Variants in ANKRD26 observed in about 807,000 individuals in gnomAD.
ANKRD26 encodes ankyrin repeat domain-containing protein 26.
ANKRD26 carries 141 observed loss-of-function variants against 208.7 expected under a neutral mutation model. The observed-to-expected ratio is 0.68, with a 90% CI of 0.59 to 0.78. ANKRD26 has a LOEUF of 0.78. Ranked by LOEUF, ANKRD26 falls within the 30% of genes least tolerant of loss-of-function variation. The probability of loss-of-function intolerance (pLI) is 0.00; values close to 1 mark genes in which losing one functional copy is unlikely to be tolerated. For missense variants in ANKRD26, 1,889 were observed against 1,938.7 expected (o/e 0.97, Z 0.48); for synonymous variants, 636 against 660.4 (o/e 0.96, Z 0.57).
In ANKRD26 at chr10:27,037,338, A is replaced by T. The variant is rs1007456677; in HGVS notation, c.2560-15T>A. 3.1e-6 allele frequency: 5 copies of T among 1,613,588 alleles called. No individual in the cohort carries two copies. Among genetic ancestry groups the T allele is most frequent in the Admixed American group, 1.7e-5 (1 of 60,002 alleles). ...TCTTGAACGACCTAGAGATACATTA[A>T]GTTTTAGGTCTATTAGCATTTTGTA... On this transcript the variant is annotated splice_polypyrimidine_tract_variant and intron_variant, in intron 22 of 33. Transcript: ENST00000376087.
the ANKRD26 span, among the ~76,000 whole-genome samples, chr10:26,952,661 C>T: frequency 1.4e-4 from 21 of 152,240 alleles, no homozygotes; most frequent in East Asian, 4.1e-3. Flanking sequence ...AACAAAGATG[C>T]TGTAGTATTG....
At chr10:27,018,055 CTA>C (rs1309184499) in intron 29 of ANKRD26, among the ~76,000 whole-genome samples, 1 of 151,728 alleles carries the variant, frequency 6.6e-6, no homozygotes, top group Non-Finnish European at 1.5e-5. Flanking sequence ...TTGTATTTTT[CTA>C]TGATTGTTTC....
chr10:27,011,896 T>C (rs2053126199), intron 32 of ANKRD26, among the ~76,000 whole-genome samples: 1 of 152,232 alleles, frequency 6.6e-6, no homozygotes, highest in South Asian at 2.1e-4. Context: ...ATTTGCTTGC[T>C]TTAACTATTT....
intron 5 of ANKRD26, among the ~76,000 whole-genome samples, chr10:26,979,954 A>G (rs1266896889): frequency 6.6e-6 from 1 of 151,918 alleles, no homozygotes; most frequent in African/African-American, 2.4e-5. Context: ...TTATCATAGC[A>G]CAGGATAATT....
intron 29 of ANKRD26, among the ~76,000 whole-genome samples, chr10:27,020,241 C>T (rs956468459): frequency 1.3e-5 from 2 of 152,172 alleles, no homozygotes; most frequent in Non-Finnish European, 2.9e-5. Context: ...AATGTATAAG[C>T]GAATTAGCAT....
At chr10:26,996,992 G>A (rs139371891) in intron 4 of ANKRD26, among the ~76,000 whole-genome samples, 226 of 151,750 alleles carry the variant, frequency 1.5e-3, no homozygotes, top group African/African-American at 5.1e-3. Flanking sequence ...CTAATTTCTT[G>A]TTTTGTTTGT....
At chr10:27,051,654 T>G (rs762920581) in intron 16 of ANKRD26, 83 of 985,288 alleles carry the variant, frequency 8.4e-5, no homozygotes, top group Non-Finnish European at 9.4e-5. Flanking sequence ...GCAAGCATAT[T>G]CTGGGGACCC....
the ANKRD26 span, among the ~76,000 whole-genome samples, chr10:26,967,939 T>C: frequency 6.6e-6 from 1 of 152,214 alleles, no homozygotes; most frequent in Admixed American, 6.5e-5. Context: ...TTGATGTTTC[T>C]GCCTCCAGCC....
At chr10:27,033,073 A>T in intron 25 of ANKRD26, 152 bp downstream of exon 25, 7 of 384,202 alleles carry the variant, frequency 1.8e-5, no homozygotes, top group Non-Finnish European at 2.8e-5. Flanking sequence ...ATAGAACGAG[A>T]CTCCATCTCA....
chr10:26,954,044 C>A, the ANKRD26 span, among the ~76,000 whole-genome samples: 1 of 152,286 alleles, frequency 6.6e-6, no homozygotes, highest in East Asian at 1.9e-4. Flanking sequence ...TTGGTTCTTT[C>A]ACTTATATTG....
intron 4 of ANKRD26, among the ~76,000 whole-genome samples, chr10:26,982,328 G>T (rs1004047540): frequency 6.6e-6 from 1 of 152,094 alleles, no homozygotes; most frequent in African/African-American, 2.4e-5. Context: ...AATAGGAGGC[G>T]GGTTGGTGTG....
chr10:26,948,440 T>TA, the ANKRD26 span, among the ~76,000 whole-genome samples: 1 of 152,210 alleles, frequency 6.6e-6, no homozygotes, highest in African/African-American at 2.4e-5. Flanking sequence ...GAAAAATAAT[T>TA]AAAGAATTAT....
At chr10:27,012,304 T>C (rs575839831) in intron 32 of ANKRD26, among the ~76,000 whole-genome samples, 1 of 152,260 alleles carries the variant, frequency 6.6e-6, no homozygotes, top group African/African-American at 2.4e-5. Context: ...TAAATTCAGC[T>C]TTTAAAGAAA....
chr10:27,087,222 C>T (rs1190642316), intron 4 of ANKRD26, among the ~76,000 whole-genome samples: 23 of 152,160 alleles, frequency 1.5e-4, no homozygotes, highest in Admixed American at 1.5e-3. Context: ...GCTCTGTAAC[C>T]AACAGCTATT....
intron 6 of ANKRD26, 140 bp from the exon 7 acceptor site, chr10:27,079,301 G>T: frequency 1.4e-6 from 1 of 696,770 alleles, no homozygotes; most frequent in South Asian, 1.7e-5. Flanking sequence ...CATATTAAAT[G>T]ATGTTTCTTG....
Position 27,082,884 on chromosome 10 carries a change from A to G in ANKRD26, c.710-51T>C, listed in dbSNP as rs745313864. The G allele has an allele frequency of 1.4e-5, 22 of 1,545,444 alleles. No homozygotes were observed. In the South Asian group the frequency reaches 2.5e-4, roughly 18 times the overall value. ...CTTTAAATCAACAATAGAAAAATATATAAAATTTAAAGCATAAGACTGATA... is the reference window on the plus strand; with the variant it reads ...CTTTAAATCAACAATAGAAAAATATGTAAAATTTAAAGCATAAGACTGATA... On this transcript the variant is annotated intron_variant, in intron 5 of 33. Coordinates refer to ENST00000376087, the MANE Select transcript of ANKRD26 (RefSeq NM_014915.3).
intron 29 of ANKRD26, among the ~76,000 whole-genome samples, chr10:27,021,427 T>C (rs1298105241): frequency 6.6e-6 from 1 of 152,260 alleles, no homozygotes; most frequent in Non-Finnish European, 1.5e-5. Flanking sequence ...GAGTTCCCTG[T>C]TCTCTGCAGC....
At chr10:27,086,813 C>G (rs549566362) in intron 4 of ANKRD26, among the ~76,000 whole-genome samples, 1 of 142,504 alleles carries the variant, frequency 7.0e-6, no homozygotes, top group Non-Finnish European at 1.5e-5. Context: ...ACTCTGTCAC[C>G]CAGGCTGGAG....
At chr10:27,074,864 T>C (rs2055640301) in intron 9 of ANKRD26, among the ~76,000 whole-genome samples, 1 of 151,970 alleles carries the variant, frequency 6.6e-6, no homozygotes, top group Non-Finnish European at 1.5e-5. Flanking sequence ...AAGGAAAACC[T>C]ATCAGACTAA....
Sources: gnomAD v4.1 joint callset for allele counts (sites outside exome capture counted in the v4.1 genomes callset) on GRCh38, gnomAD v4.1.1 for gene constraint, MANE v1.5 for transcripts, NCBI Gene and HGNC (gene_info 2026-07-23, HGNC 2026-07-21) for gene names.